The following FIBCD1 variants were observed in gnomAD, a reference collection of about 807,000 sequenced individuals.
FIBCD1 encodes fibrinogen C domain containing 1.
In FIBCD1, 47 loss-of-function variants were observed where a neutral mutation model predicts 45.1. The observed-to-expected ratio is 1.04, with a 90% CI of 0.82 to 1.33. The LOEUF (loss-of-function observed/expected upper bound fraction) is 1.33. Ranked by LOEUF, FIBCD1 falls within the 40% of genes most tolerant of loss-of-function variation. The pLI, the probability that FIBCD1 is intolerant of heterozygous loss-of-function variation, is 0.00. For synonymous variants in FIBCD1, 313 were observed against 308.1 expected (o/e 1.02, Z -0.17); for missense variants, 653 against 682.2 (o/e 0.96, Z 0.48).
At chr9:130,911,051 G>A (rs947470019) in intron 5 of FIBCD1, among the ~76,000 whole-genome samples, 1 of 152,180 alleles carries the variant, frequency 6.6e-6, no homozygotes, top group Non-Finnish European at 1.5e-5. Context: ...GAGAATAAAA[G>A]CAGGCTGCCC....
rs983667131 is a variant in FIBCD1 at position 130,929,559 on chromosome 9, A to G, written c.552+8T>C. 1.3e-6 allele frequency: 2 copies of G among 1,500,100 alleles called. No individual in the cohort carries two copies. The highest frequency in any genetic ancestry group is 1.8e-6 in the Non-Finnish European group (2 of 1,127,556). The allele number at this position is 1,500,100 out of a possible 1,614,324, so 92.9% of individuals were successfully genotyped here. ...AGCAAGACCCCAAGATGCAGACCCC[A>G]GCCCTACCTGGATGAGGCGGCCCTG... is the stretch of plus-strand genomic sequence containing the variant. On this transcript the variant is annotated splice_region_variant and intron_variant, in intron 2 of 6. Transcript: ENST00000372338.
chr9:130,932,477 G>A (rs1832457952), intron 1 of FIBCD1, among the ~76,000 whole-genome samples: 2 of 152,214 alleles, frequency 1.3e-5, no homozygotes, highest in African/African-American at 4.8e-5. Context: ...ATTTACTCCA[G>A]CCAGACCCAA....
In FIBCD1 at chr9:130,903,903, T is replaced by TCAC. The variant is rs1259600124; in HGVS notation, c.*158_*160dup. 11 of 917,260 alleles carry TCAC rather than the reference T, an allele frequency of 1.2e-5. No homozygotes were observed. Among genetic ancestry groups the TCAC allele is most frequent in the Middle Eastern group, 2.4e-4 (1 of 4,240 alleles). The allele number at this position is 917,260 out of a possible 1,614,324, so 56.8% of individuals were successfully genotyped here. On this transcript the variant is annotated 3_prime_UTR_variant, in exon 7 of 7. Coordinates refer to ENST00000372338, the MANE Select transcript of FIBCD1 (RefSeq NM_032843.5). ...GACGGCGAGAAGGCGATGTGTGACT[T>TCAC]CACCGGCCCAGGGAGCTTCGTGTCA... is the stretch of plus-strand genomic sequence containing the variant.
chr9:130,935,498 C>T lies in FIBCD1; in HGVS notation c.72+3038G>A, dbSNP rs545485261. Among the ~76,000 whole-genome samples, 4 of 152,312 alleles carry T rather than the reference C, an allele frequency of 2.6e-5. No individual in the cohort carries two copies. In the South Asian group the frequency reaches 6.2e-4, roughly 24 times the overall value. On this transcript the variant is annotated intron_variant, in intron 1 of 6. Transcript: ENST00000372338. ...CAAATCGGCAACTTGTCCAAGGTCG[C>T]CCGACAAAGAGTAGCTGAGGCTGGA... is the stretch of plus-strand genomic sequence containing the variant.
intron 4 of FIBCD1, among the ~76,000 whole-genome samples, chr9:130,920,322 C>T (rs1403821843): frequency 1.3e-5 from 2 of 152,126 alleles, no homozygotes; most frequent in Non-Finnish European, 2.9e-5. Context: ...ACAGGGAACC[C>T]CCAGGGCTCA....
intron 5 of FIBCD1, among the ~76,000 whole-genome samples, chr9:130,909,989 C>T (rs1018039603): frequency 6.6e-6 from 1 of 152,232 alleles, no homozygotes; most frequent in Non-Finnish European, 1.5e-5. Flanking sequence ...TCGCTCTCGG[C>T]GCCTCCTCTG....
chr9:130,926,451 C>T lies in FIBCD1; in HGVS notation c.553-2055G>A, dbSNP rs1235703141. 1.3e-5 allele frequency among the ~76,000 whole-genome samples: 2 copies of T among 152,210 alleles called. No homozygotes were observed. Among genetic ancestry groups the T allele is most frequent in the Non-Finnish European group, 2.9e-5 (2 of 68,040 alleles). ...GGTAGTGGTGTCAGAGCTGCTGTCC[C>T]CGGCACTGCTTAGCTGTGTGAGTGA... On this transcript the variant is annotated intron_variant, in intron 2 of 6. Transcript: ENST00000372338. This position sits in a 1 kb window ranked among gnomAD's most constrained non-coding sequence, Gnocchi z 4.1.
intron 5 of FIBCD1, 75 bp downstream of exon 5, chr9:130,911,717 C>A: frequency 1.5e-6 from 2 of 1,355,798 alleles, no homozygotes; most frequent in Admixed American, 2.0e-5. Context: ...ATTCAGGGAG[C>A]AGCTGGGACC....
In FIBCD1 at chr9:130,924,249, C is replaced by T. The variant is rs754832571; in HGVS notation, c.700G>A (p.Gly234Ser). 3 of 1,595,724 alleles carry T rather than the reference C, an allele frequency of 1.9e-6. No homozygotes were observed. The East Asian group carries it at 6.8e-5, about 36-fold the overall frequency. ...RAPARGTRPR[G>S]CATGSRPRDC... is the part of the protein sequence containing the mutation. ...CTGCCCCACTCACCAGTGGCACAGC[C>T]CCGGGGCCGGGTTCCCCGGGCAGGC... Residue 234 changes from glycine (G) to serine (S), a missense_variant, in exon 3 of 7, where the codon GGC becomes AGC. Physicochemically the swap from Gly to Ser is moderately conservative, Grantham distance 56. Coordinates refer to ENST00000372338, the MANE Select transcript of FIBCD1 (RefSeq NM_032843.5).
chr9:130,923,459 AC>A (rs1832296101), intron 4 of FIBCD1, among the ~76,000 whole-genome samples: 1 of 151,744 alleles, frequency 6.6e-6, no homozygotes, highest in Non-Finnish European at 1.5e-5. Context: ...ACCCCGCCCC[AC>A]CCCCTGCTGG....
Position 130,911,835 on chromosome 9 carries a change from C to T in FIBCD1, c.903G>A (p.Ala301=), listed in dbSNP as rs750732451. ...TGAGCCTGCCAAAGCCGTCTCGGTACGCATCCCAGCCCCGGAAGAAGTTCA... is the reference window on the plus strand; with the variant it reads ...TGAGCCTGCCAAAGCCGTCTCGGTATGCATCCCAGCCCCGGAAGAAGTTCA... The part of the protein sequence containing the change: ...GSVNFFRGWD[A]YRDGFGRLTG... The change falls in exon 5 of 7, where the codon GCG becomes GCA. Residue 301 remains alanine, a synonymous_variant. Transcript: ENST00000372338. 2.7e-5 allele frequency: 43 copies of T among 1,604,338 alleles called. No individual in the cohort carries two copies. The highest frequency in any genetic ancestry group is 9.1e-5 in the East Asian group (4 of 44,094).
chr9:130,921,849 A>C (rs1419281615), intron 4 of FIBCD1, among the ~76,000 whole-genome samples: 1 of 152,234 alleles, frequency 6.6e-6, no homozygotes, highest in African/African-American at 2.4e-5. Flanking sequence ...GTACATTTTT[A>C]AAAGCTCTCC....
chr9:130,931,902 C>T (rs755752116), intron 1 of FIBCD1, among the ~76,000 whole-genome samples: 38 of 152,254 alleles, frequency 2.5e-4, no homozygotes, highest in South Asian at 1.4e-3. Flanking sequence ...GAAATGACTT[C>T]GTATATTAAA....
chr9:130,917,144 A>G (rs1290255591), intron 4 of FIBCD1, among the ~76,000 whole-genome samples: 1 of 152,204 alleles, frequency 6.6e-6, no homozygotes, highest in Non-Finnish European at 1.5e-5. Flanking sequence ...AGGTAGGGAA[A>G]CAAAAATTAC....
Position 130,926,407 on chromosome 9 carries a change from G to C in FIBCD1, c.553-2011C>G, listed in dbSNP as rs1468875071. 6.6e-6 allele frequency among the ~76,000 whole-genome samples: 1 copy of C among 152,244 alleles called. No individual in the cohort carries two copies. The highest frequency in any genetic ancestry group is 1.5e-5 in the Non-Finnish European group (1 of 68,048). On this transcript the variant is annotated intron_variant, in intron 2 of 6. Transcript: ENST00000372338. The surrounding 1 kb of genome is among the most constrained non-coding windows in gnomAD (Gnocchi z 4.1). Reference sequence around the variant, plus strand: ...CGAGCTGCAGAGGCGCATCAGGGGAGGGCTGGACAGCGCTTAGCGGTAGTG... The same window carrying C: ...CGAGCTGCAGAGGCGCATCAGGGGACGGCTGGACAGCGCTTAGCGGTAGTG...
Position 130,929,838 on chromosome 9 carries a change from A to T in FIBCD1, c.281T>A (p.Ile94Asn). Residue 94 changes from isoleucine (I) to asparagine (N), a missense_variant, in exon 2 of 7, where the codon ATT becomes AAT. By Grantham distance (149) the Ile-to-Asn change is moderately radical. Coordinates refer to ENST00000372338, the MANE Select transcript of FIBCD1 (RefSeq NM_032843.5). ...GGTGAGGTCGGGGCAGCGCGGGTCAATGAGGATGCTGAGGTGCGAGCTGTC... is the reference window on the plus strand; with the variant it reads ...GGTGAGGTCGGGGCAGCGCGGGTCATTGAGGATGCTGAGGTGCGAGCTGTC... ...RADSSHLSIL[I>N]DPRCPDLTDS... 1 of 1,549,854 alleles carries T rather than the reference A, an allele frequency of 6.5e-7. No homozygotes were observed. Among genetic ancestry groups the T allele is most frequent in the Non-Finnish European group, 8.7e-7 (1 of 1,146,744 alleles).
chr9:130,924,668 C>A (rs1470313462), intron 2 of FIBCD1, among the ~76,000 whole-genome samples: 1 of 152,186 alleles, frequency 6.6e-6, no homozygotes, highest in South Asian at 2.1e-4. Context: ...GCACCTGCCA[C>A]CCCTGCTGCC....
intron 5 of FIBCD1, among the ~76,000 whole-genome samples, chr9:130,909,011 C>T (rs561913739): frequency 4.5e-4 from 69 of 152,228 alleles, no homozygotes; most frequent in Non-Finnish European, 8.8e-4. Flanking sequence ...GCCCTCCTGA[C>T]CCCGGCTGGT....
At chr9:130,920,476 AAG>A (rs1272188917) in intron 4 of FIBCD1, among the ~76,000 whole-genome samples, 3 of 152,148 alleles carry the variant, frequency 2.0e-5, no homozygotes, top group Non-Finnish European at 2.9e-5. Context: ...AACAGAGGTA[AAG>A]CTACACAGCC....
Sources: gnomAD v4.1 joint callset for allele counts (sites outside exome capture counted in the v4.1 genomes callset) on GRCh38, gnomAD v4.1.1 for gene constraint, Gnocchi (gnomAD v3.1) non-coding constraint, MANE v1.5 for transcripts, NCBI Gene and HGNC (gene_info 2026-07-23, HGNC 2026-07-21) for gene names.